The following KIDINS220 variants were observed in gnomAD, a reference collection of about 807,000 sequenced individuals.
KIDINS220 encodes kinase D interacting substrate 220, also known as kinase D-interacting substrate of 220 kDa.
In KIDINS220, 63 loss-of-function variants were observed where a neutral mutation model predicts 157.6. The ratio of observed to expected loss-of-function variants is 0.40; its 90% CI spans 0.33 to 0.49. KIDINS220 has a LOEUF of 0.49. Among genes scored for constraint, KIDINS220 ranks in the 20% least tolerant of loss-of-function variants. KIDINS220 has a pLI of 0.66. For synonymous variants in KIDINS220, 732 were observed against 783.6 expected (o/e 0.93, Z 1.10); for missense variants, 1,772 against 2,171.2 (o/e 0.82, Z 3.65).
chr2:8,813,454 G>A, intron 4 of KIDINS220, 119 bp from the exon 5 acceptor site: 3 of 661,866 alleles, frequency 4.5e-6, no homozygotes, highest in Non-Finnish European at 7.6e-6. Context: ...CATGATGGTA[G>A]TATTATATAG....
chr2:8,731,024 T>G lies in KIDINS220; in HGVS notation c.5012A>C (p.Gln1671Pro). The G allele has an allele frequency of 1.2e-6, 2 of 1,614,240 alleles. No homozygotes were observed. Among genetic ancestry groups the G allele is most frequent in the South Asian group, 2.2e-5 (2 of 91,086 alleles). ...SSPEENWPAC[Q>P]KAYNLNRTPS... ...AGTTCGGTTCAGGTTGTAGGCTTTC[T>G]GGCATGCAGGCCAGTTTTCTTCAGG... Residue 1671 changes from glutamine to proline, a missense_variant, in exon 30 of 30, where the codon CAG becomes CCG. Gln to Pro is a moderately conservative substitution (Grantham distance 76). Coordinates refer to ENST00000256707, the MANE Select transcript of KIDINS220 (RefSeq NM_020738.4). This position sits in a 1 kb window ranked among gnomAD's most constrained non-coding sequence, Gnocchi z 5.2.
In KIDINS220 at chr2:8,730,596, GCCTCATCAT is replaced by G. The variant is rs1381123990; in HGVS notation, c.*115_*123del. Reference sequence around the variant, plus strand: ...CACTGCAGATGTCTCTTTTACCTCGGCCTCATCATCGGTTAGTTATCTGTCAGCAAAATG... The same window carrying G: ...CACTGCAGATGTCTCTTTTACCTCGGCGGTTAGTTATCTGTCAGCAAAATG... On this transcript the variant is annotated 3_prime_UTR_variant, in exon 30 of 30. Coordinates refer to ENST00000256707, the MANE Select transcript of KIDINS220 (RefSeq NM_020738.4). The G allele has an allele frequency of 2.8e-5, 40 of 1,445,764 alleles. No homozygotes were observed. Among genetic ancestry groups the G allele is most frequent in the Admixed American group, 1.4e-4 (5 of 35,560 alleles). The allele number at this position is 1,445,764 out of a possible 1,614,324, so 89.6% of individuals were successfully genotyped here.
intron 20 of KIDINS220, among the ~76,000 whole-genome samples, chr2:8,778,041 C>T (rs1671206293): frequency 6.6e-6 from 1 of 152,150 alleles, no homozygotes; most frequent in South Asian, 2.1e-4. Context: ...GTGAGTGGCA[C>T]TGTCACAACT....
chr2:8,765,521 GAA>G (rs1669361412), intron 22 of KIDINS220, among the ~76,000 whole-genome samples: 1 of 152,126 alleles, frequency 6.6e-6, no homozygotes, highest in Admixed American at 6.5e-5. Flanking sequence ...ACGATCCTAA[GAA>G]ACAAGAAAGT....
chr2:8,779,621 C>T (rs1572624096), intron 18 of KIDINS220, 53 bp downstream of exon 18: 1 of 1,552,994 alleles, frequency 6.4e-7, no homozygotes, highest in Non-Finnish European at 8.8e-7. Flanking sequence ...GTCAAACATT[C>T]TCTCAAGTGC....
At chr2:8,825,296 G>A (rs1234565317) in intron 2 of KIDINS220, among the ~76,000 whole-genome samples, 1 of 146,310 alleles carries the variant, frequency 6.8e-6, no homozygotes, top group Admixed American at 7.1e-5. Flanking sequence ...TCACTGGAAG[G>A]CAGGGGGCGG....
intron 12 of KIDINS220, among the ~76,000 whole-genome samples, chr2:8,791,532 A>G (rs1673193070): frequency 6.6e-6 from 1 of 152,208 alleles, no homozygotes; most frequent in Non-Finnish European, 1.5e-5. Flanking sequence ...ATAACTAAGA[A>G]AGAACAAAAT....
chr2:8,757,568 C>A, intron 22 of KIDINS220: 1 of 1,520,090 alleles, frequency 6.6e-7, no homozygotes, highest in Non-Finnish European at 8.8e-7. Context: ...AAGGCCAGTA[C>A]CTCTGGTTGC....
At chr2:8,751,990 C>T (rs1172148909) in intron 22 of KIDINS220, among the ~76,000 whole-genome samples, 17 of 152,180 alleles carry the variant, frequency 1.1e-4, no homozygotes, top group African/African-American at 4.1e-4. Flanking sequence ...CAGGTGTGAG[C>T]CATCATGCCC....
rs1671036359 is a variant in KIDINS220, at chr2:8,776,892, C to T, written c.2704G>A (p.Asp902Asn). ...LGSKTALNRRDTYRRRQMQRT... is the reference protein window; with the variant it reads ...LGSKTALNRRNTYRRRQMQRT... Reference sequence around the variant, plus strand: ...TGCATCTGCCTTCTTCGGTAAGTGTCCTGAAACAGCACGTCGTCAGTGAGA... The same window carrying T: ...TGCATCTGCCTTCTTCGGTAAGTGTTCTGAAACAGCACGTCGTCAGTGAGA... The change falls in exon 21 of 30, where the codon GAC becomes AAC. Residue 902 changes from aspartate (D) to asparagine (N), a missense_variant and splice_region_variant. By Grantham distance (23) the Asp-to-Asn change is conservative (BLOSUM62 1). This residue lies in a region of KIDINS220 where 725 missense variants were observed against 1,017.1 expected (regional missense o/e 0.71). Coordinates refer to ENST00000256707, the MANE Select transcript of KIDINS220 (RefSeq NM_020738.4). The T allele has an allele frequency of 6.2e-7, 1 of 1,613,082 alleles. No individual in the cohort carries two copies. Among genetic ancestry groups the T allele is most frequent in the South Asian group, 1.1e-5 (1 of 90,902 alleles).
intron 17 of KIDINS220, among the ~76,000 whole-genome samples, chr2:8,783,581 G>A (rs1029700886): frequency 1.3e-5 from 2 of 151,814 alleles, no homozygotes; most frequent in African/African-American, 4.8e-5. Context: ...TAGAAAAACC[G>A]AAAGAACCAC....
At chr2:8,727,716 T>C (rs1663476873), downstream of KIDINS220, among the ~76,000 whole-genome samples, 1 of 152,240 alleles carries the variant, frequency 6.6e-6, no homozygotes, top group Non-Finnish European at 1.5e-5. Context: ...TAAAATTACT[T>C]GGCTAGGCAA....
At chr2:8,768,549 C>T (rs1034566400) in intron 22 of KIDINS220, among the ~76,000 whole-genome samples, 1 of 152,058 alleles carries the variant, frequency 6.6e-6, no homozygotes, top group Non-Finnish European at 1.5e-5. Context: ...CATCAAATTG[C>T]TATAAAAATA....
Position 8,785,451 on chromosome 2 carries a change from T to C in KIDINS220, c.2229+290A>G, listed in dbSNP as rs115299902. Among the ~76,000 whole-genome samples, 1,117 of 152,298 alleles carry C rather than the reference T, an allele frequency of 7.3e-3. 22 individuals carry two copies. Among genetic ancestry groups the C allele is most frequent in the African/African-American group, 0.025 (1,045 of 41,568 alleles). On this transcript the variant is annotated intron_variant, in intron 17 of 29. Transcript: ENST00000256707. The stretch of plus-strand genomic sequence containing the variant: ...TGATGTGTCAGCCTAAGTTCATCAA[T>C]TGTAACAAATGTACTGCTCTGGTGG...
intron 23 of KIDINS220, among the ~76,000 whole-genome samples, chr2:8,751,116 T>C (rs1667294171): frequency 7.6e-6 from 1 of 132,198 alleles, no homozygotes; most frequent in African/African-American, 2.9e-5. Context: ...CAAATTACAA[T>C]GAATGGATAT....
At position 8,791,091 on chromosome 2, in the gene KIDINS220, A is replaced by G; in HGVS notation, c.1410T>C (p.Ser470=). ...GTTTCTTGAGTAAGAAAGATTTCCC[A>G]CTTCCCCACTGTGCATATAACCCCA... The part of the protein sequence containing the change: ...ICVGLYAQWG[S]GKSFLLKKLE... The change falls in exon 13 of 30, where the codon AGT becomes AGC. Residue 470 remains serine (S), a synonymous_variant. Coordinates refer to ENST00000256707, the MANE Select transcript of KIDINS220 (RefSeq NM_020738.4). 3.1e-6 allele frequency: 5 copies of G among 1,613,490 alleles called. No individual in the cohort carries two copies. The highest frequency in any genetic ancestry group is 4.2e-6 in the Non-Finnish European group (5 of 1,179,692).
rs1040379984 is a variant in KIDINS220, at chr2:8,729,287, A to G, written c.*1433T>C. On this transcript the variant is annotated 3_prime_UTR_variant, in exon 30 of 30. Transcript: ENST00000256707. ...AACTATTTAGCACAATGACTGGCCC[A>G]GTAAATAACTTAATCAGCATATTAA... 34 of 985,350 alleles carry G rather than the reference A, an allele frequency of 3.5e-5. No homozygotes were observed. The African/African-American group carries it at 5.2e-4, about 15-fold the overall frequency. 61.0% of individuals were successfully genotyped at this position (985,350 alleles called of 1,614,324 possible).
intron 9 of KIDINS220, chr2:8,800,143 A>G (rs1042816575): frequency 3.0e-5 from 11 of 362,956 alleles, no homozygotes; most frequent in Non-Finnish European, 4.9e-6. Context: ...GATTGAATCT[A>G]TATATACCCA....
chr2:8,832,157 C>T (rs925932845), intron 1 of KIDINS220, among the ~76,000 whole-genome samples: 1 of 152,192 alleles, frequency 6.6e-6, no homozygotes, highest in Non-Finnish European at 1.5e-5. Flanking sequence ...TCTTCTAAGT[C>T]CTTTCTAACA....
Sources: allele counts gnomAD v4.1 joint callset (sites outside exome capture counted in the v4.1 genomes callset), GRCh38; gene constraint gnomAD v4.1.1; regional missense constraint gnomAD v4.1.1; non-coding constraint Gnocchi (gnomAD v3.1); transcripts MANE v1.5; gene names NCBI Gene and HGNC (gene_info 2026-07-23, HGNC 2026-07-21).